EEA1: variants seen among roughly 807,000 people sequenced by gnomAD.
EEA1 encodes early endosome antigen 1, 162kD.
EEA1 carries 111 observed loss-of-function variants against 209.2 expected under a neutral mutation model. That is an observed-to-expected ratio of 0.53 (90% CI 0.45 to 0.62). The LOEUF is 0.62. Among genes scored for constraint, EEA1 ranks in the 20% least tolerant of loss-of-function variants. The pLI is 0.00. For synonymous variants in EEA1, 536 were observed against 540.6 expected (o/e 0.99, Z 0.12); for missense variants, 1,343 against 1,530.8 (o/e 0.88, Z 2.05).
intron 11 of EEA1, among the ~76,000 whole-genome samples, chr12:92,832,099 A>G (rs1345035077): frequency 1.3e-5 from 2 of 151,876 alleles, no homozygotes; most frequent in Non-Finnish European, 2.9e-5. Context: ...GTCTCAAAAA[A>G]AAAAAAAAAA....
chr12:92,850,921 T>C (rs1295719008), intron 9 of EEA1, among the ~76,000 whole-genome samples, 190 bp downstream of exon 9: 1 of 152,100 alleles, frequency 6.6e-6, no homozygotes, highest in African/African-American at 2.4e-5. Flanking sequence ...TTCCTGAGTG[T>C]CTAGCTTTAT....
At chr12:92,883,628 A>T (rs566762318) in intron 2 of EEA1, 86 of 544,948 alleles carry the variant, frequency 1.6e-4, no homozygotes, top group Middle Eastern at 1.5e-3. Context: ...TTTCTGCATA[A>T]GCCACATGAT....
In EEA1 at chr12:92,773,746, A is replaced by T. The variant is rs1010293011; in HGVS notation, c.*2265T>A. ...TGACTTTTTAATTAAAAGGAAAAAA[A>T]TTTAAATTTTTATTTCGAAAACACA... On this transcript the variant is annotated 3_prime_UTR_variant, in exon 29 of 29. Transcript: ENST00000322349. 6.6e-6 allele frequency: 1 copy of T among 151,680 alleles called. No individual in the cohort carries two copies. The highest frequency in any genetic ancestry group is 2.4e-5 in the African/African-American group (1 of 41,418). 9.4% of individuals were successfully genotyped at this position (151,680 alleles called of 1,614,324 possible).
In EEA1 at chr12:92,787,929, G is replaced by A; in HGVS notation, c.3088C>T (p.Gln1030Ter). 6.2e-7 allele frequency: 1 copy of A among 1,612,922 alleles called. No individual in the cohort carries two copies. Among genetic ancestry groups the A allele is most frequent in the South Asian group, 1.1e-5 (1 of 90,938 alleles). ...CTCCCATAGAAATCAGATTGAAGCT[G>A]TTTGAAAGTTTCCTGACTTTTTTCA... ...NYEKSQETFKQLQSDFYGRES... is the reference protein window; with the variant it reads ...NYEKSQETFK Residue 1030 changes from glutamine (Q) to a stop codon, truncating the protein, a stop_gained, in exon 22 of 29, where the codon CAG becomes TAG. Coordinates refer to ENST00000322349, the MANE Select transcript of EEA1 (RefSeq NM_003566.4). LOFTEE classifies it high-confidence loss of function.
chr12:92,879,384 C>T (rs1183828456), intron 2 of EEA1: 1 of 446,206 alleles, frequency 2.2e-6, no homozygotes, highest in African/African-American at 2.0e-5. Context: ...ATAGTAACAA[C>T]ACAGCAAGAC....
intron 14 of EEA1, 49 bp downstream of exon 14, chr12:92,819,259 A>T: frequency 1.4e-6 from 2 of 1,432,086 alleles, no homozygotes; most frequent in Non-Finnish European, 1.9e-6. Flanking sequence ...AGTAAGACTT[A>T]GAGAGACAGA....
At position 92,832,512 on chromosome 12, in the gene EEA1, T is replaced by C. The variant is rs201776917; in HGVS notation, c.1254A>G (p.Gln418=). 153 of 1,603,554 alleles carry C rather than the reference T, an allele frequency of 9.5e-5. No homozygotes were observed. The highest frequency in any genetic ancestry group is 1.1e-4 in the Non-Finnish European group (132 of 1,176,212). The stretch of plus-strand genomic sequence containing the variant: ...AATAAATAAAATTAACAGCTCTTAC[T>C]TGATTAATTTCACTTTGGAGTTGTA... ...HGLQLQSEIN[Q]LHSKLLETER... The change falls in exon 11 of 29, where the codon CAA becomes CAG. Residue 418 remains glutamine, a splice_region_variant and synonymous_variant. Coordinates refer to ENST00000322349, the MANE Select transcript of EEA1 (RefSeq NM_003566.4).
intron 3 of EEA1, among the ~76,000 whole-genome samples, chr12:92,861,852 AAG>A (rs1878168876): frequency 6.6e-6 from 1 of 152,144 alleles, no homozygotes; most frequent in African/African-American, 2.4e-5. Flanking sequence ...TGATGAAAAA[AAG>A]AGGCTAGGGA....
intron 24 of EEA1, 34 bp downstream of exon 24, chr12:92,780,246 A>G: frequency 6.3e-7 from 1 of 1,576,478 alleles, no homozygotes; most frequent in Non-Finnish European, 8.6e-7. Context: ...GCAATATAAC[A>G]CAGAAGGCAG....
intron 14 of EEA1, among the ~76,000 whole-genome samples, 159 bp from the exon 15 acceptor site, chr12:92,816,559 G>T (rs73217852): frequency 0.016 from 2,477 of 152,242 alleles, 31 homozygotes; most frequent in Non-Finnish European, 0.025. Flanking sequence ...TGTCAACATA[G>T]TATCTCAAAT....
intron 2 of EEA1, among the ~76,000 whole-genome samples, chr12:92,880,329 T>C (rs1430871269): frequency 6.6e-6 from 1 of 152,186 alleles, no homozygotes; most frequent in African/African-American, 2.4e-5. Context: ...TTTTGAGTTG[T>C]GGTCTCACTC....
At chr12:92,899,947 T>C (rs1354706440) in intron 1 of EEA1, among the ~76,000 whole-genome samples, 18 of 152,190 alleles carry the variant, frequency 1.2e-4, no homozygotes, top group Non-Finnish European at 2.9e-5. Flanking sequence ...GAGGGTGAAC[T>C]TCCATTCTCC....
Position 92,832,683 on chromosome 12 carries a change from A to G in EEA1, c.1083T>C (p.His361=). 2 of 1,613,948 alleles carry G rather than the reference A, an allele frequency of 1.2e-6. No homozygotes were observed. Among genetic ancestry groups the G allele is most frequent in the South Asian group, 1.1e-5 (1 of 91,072 alleles). ...TTTCACTTAGTTCTACATGTATTCT[A>G]TGCAGTGAGGTTTCAGATGCAGACA... ...SRLSASETSL[H]RIHVELSEKG... is the part of the protein sequence containing the mutation. Residue 361 remains histidine (H), a synonymous_variant, in exon 11 of 29, where the codon CAT becomes CAC. Transcript: ENST00000322349.
At chr12:92,839,286 G>T (rs1316937532) in intron 10 of EEA1, among the ~76,000 whole-genome samples, 1 of 152,032 alleles carries the variant, frequency 6.6e-6, no homozygotes, top group African/African-American at 2.4e-5. Flanking sequence ...CACTCAAAAG[G>T]CAAGATAGAT....
chr12:92,912,762 T>C (rs2136778381), intron 1 of EEA1, among the ~76,000 whole-genome samples: 1 of 152,330 alleles, frequency 6.6e-6, no homozygotes, highest in Non-Finnish European at 1.5e-5. Flanking sequence ...GTATCCATTG[T>C]CTAGCTCCCA....
intron 28 of EEA1, 140 bp downstream of exon 28, chr12:92,776,704 G>C (rs776255068): frequency 1.1e-5 from 8 of 750,426 alleles, no homozygotes; most frequent in South Asian, 1.8e-5. Context: ...ACTGCATGAA[G>C]TTATTCTATG....
rs140019308 is a variant in EEA1 at position 92,820,647 on chromosome 12, G to A, written c.1525-1136C>T. 2.3e-3 allele frequency among the ~76,000 whole-genome samples: 348 copies of A among 152,054 alleles called. 1 individual carries two copies. The highest frequency in any genetic ancestry group is 7.9e-3 in the African/African-American group (328 of 41,430). ...ATTAGAGCAAATACCTAATGCATGC[G>A]GGGCTTAAAACCTAGACGACAGGTT... On this transcript the variant is annotated intron_variant, in intron 13 of 28. Transcript: ENST00000322349.
chr12:92,812,234 C>G (rs974084834), intron 16 of EEA1, among the ~76,000 whole-genome samples: 1 of 151,826 alleles, frequency 6.6e-6, no homozygotes, highest in South Asian at 2.1e-4. Flanking sequence ...GAGGCTGAGG[C>G]AGGAGAATTG....
At chr12:92,854,421 G>A (rs766356582) in intron 5 of EEA1, among the ~76,000 whole-genome samples, 9 of 152,192 alleles carry the variant, frequency 5.9e-5, no homozygotes, top group East Asian at 1.9e-4. Context: ...ATCCCCCTCC[G>A]CTCAAGCATG....
Sources: allele counts gnomAD v4.1 joint callset (sites outside exome capture counted in the v4.1 genomes callset), GRCh38; gene constraint gnomAD v4.1.1; transcripts MANE v1.5; gene names NCBI Gene and HGNC (gene_info 2026-07-23, HGNC 2026-07-21).